XRCC2: variants seen among roughly 807,000 people sequenced by gnomAD.
XRCC2 encodes DNA repair protein XRCC2.
Under a neutral mutation model 27.3 loss-of-function variants are expected in XRCC2, and 24 were observed. The ratio of observed to expected loss-of-function variants is 0.88; its 90% CI spans 0.64 to 1.24. The LOEUF (loss-of-function observed/expected upper bound fraction) is 1.24, where lower values mean the gene tolerates loss of function less well. Among genes scored for constraint, XRCC2 ranks in the 50% most tolerant of loss-of-function variants. XRCC2 has a pLI of 0.00. For missense variants in XRCC2, 321 were observed against 325.8 expected (o/e 0.99, Z 0.11); for synonymous variants, 106 against 115.4 (o/e 0.92, Z 0.52).
At chr7:152,651,445 A>G (rs1189336175) in intron 2 of XRCC2, among the ~76,000 whole-genome samples, 1 of 120,362 alleles carries the variant, frequency 8.3e-6, no homozygotes, top group East Asian at 2.4e-4. Flanking sequence ...AAAAAAAAAA[A>G]GCCACCCATG....
Position 152,676,139 on chromosome 7 carries a change from A to G in XRCC2, c.-60T>C. 6.2e-7 allele frequency: 1 copy of G among 1,609,624 alleles called. No individual in the cohort carries two copies. ...TTCCCGCCACCAACGCCATTCACCA[A>G]CTGCGCAGACTCTACGGCCAGTCAA... On this transcript the variant is annotated 5_prime_UTR_variant, in exon 1 of 3. Coordinates refer to ENST00000359321, the MANE Select transcript of XRCC2 (RefSeq NM_005431.2).
chr7:152,669,409 A>C (rs2098037270), intron 1 of XRCC2, among the ~76,000 whole-genome samples: 1 of 152,102 alleles, frequency 6.6e-6, no homozygotes, highest in Non-Finnish European at 1.5e-5. Context: ...AATTATACAG[A>C]CATTTAATGG....
chr7:152,661,579 G>A (rs1473394241), intron 1 of XRCC2, among the ~76,000 whole-genome samples: 1 of 152,148 alleles, frequency 6.6e-6, no homozygotes, highest in African/African-American at 2.4e-5. Context: ...ACAGAAACAG[G>A]AGCAGCCACA....
chr7:152,648,822 T>C lies in XRCC2; in HGVS notation c.663A>G (p.Ile221Met). Residue 221 changes from isoleucine to methionine, a missense_variant, in exon 3 of 3, where the codon ATA becomes ATG. Physicochemically the swap from Ile to Met is conservative, Grantham distance 10. Transcript: ENST00000359321. ...CCTTACAGAGATAAGGTCTGTAGTC[T>C]ATGTCCACATCACACAGTCGTCGAG... ...HASRRLCDVD[I>M]DYRPYLCKAW... The C allele has an allele frequency of 6.2e-7, 1 of 1,614,028 alleles. No individual in the cohort carries two copies. Among genetic ancestry groups the C allele is most frequent in the African/African-American group, 1.3e-5 (1 of 75,048 alleles).
chr7:152,649,457 C>T, intron 2 of XRCC2, 94 bp from the exon 3 acceptor site: 3 of 1,413,972 alleles, frequency 2.1e-6, no homozygotes, highest in South Asian at 3.0e-5. Flanking sequence ...AAGACACTTA[C>T]TGGAATGTGA....
chr7:152,667,245 T>C (rs958016950), intron 1 of XRCC2, among the ~76,000 whole-genome samples: 2 of 151,268 alleles, frequency 1.3e-5, no homozygotes, highest in Non-Finnish European at 2.9e-5. Context: ...CTGTCTCTAC[T>C]AAAAATACTA....
rs1163807963 is a variant in XRCC2, at chr7:152,649,327, C to G, written c.158G>C (p.Gly53Ala). 3.7e-6 allele frequency: 6 copies of G among 1,608,224 alleles called. No individual in the cohort carries two copies. Among genetic ancestry groups the G allele is most frequent in the South Asian group, 1.1e-5 (1 of 89,908 alleles). ...TAGGTGATAAAGCATTTCTGTTTTT[C>G]CTGTTCCTTCTGGGCCATGAAATTC... ...ILEFHGPEGTGKTEMLYHLTA... is the reference protein window; with the variant it reads ...ILEFHGPEGTAKTEMLYHLTA... Residue 53 changes from glycine (G) to alanine (A), a missense_variant, in exon 3 of 3, where the codon GGA becomes GCA. Gly to Ala is a moderately conservative substitution (Grantham distance 60, BLOSUM62 0). Coordinates refer to ENST00000359321, the MANE Select transcript of XRCC2 (RefSeq NM_005431.2).
At chr7:152,651,069 A>G (rs1324696569) in intron 2 of XRCC2, among the ~76,000 whole-genome samples, 1 of 151,814 alleles carries the variant, frequency 6.6e-6, no homozygotes, top group Non-Finnish European at 1.5e-5. Flanking sequence ...CCTCCCGAGT[A>G]GCTGGGATTA....
intron 1 of XRCC2, among the ~76,000 whole-genome samples, chr7:152,668,024 T>C (rs1249003909): frequency 1.4e-5 from 2 of 141,686 alleles, no homozygotes; most frequent in Non-Finnish European, 3.0e-5. Flanking sequence ...CGAGACTCCA[T>C]CTCAAAAAAA....
At chr7:152,665,918 C>T (rs1327362851) in intron 1 of XRCC2, among the ~76,000 whole-genome samples, 1 of 152,144 alleles carries the variant, frequency 6.6e-6, no homozygotes, top group African/African-American at 2.4e-5. Context: ...CCTTTCCCAA[C>T]GTGACTTTCT....
intron 1 of XRCC2, among the ~76,000 whole-genome samples, chr7:152,668,680 G>A (rs141308995): frequency 6.6e-6 from 1 of 152,160 alleles, no homozygotes; most frequent in East Asian, 1.9e-4. Context: ...ACCTTTCCGA[G>A]GCAAAATTTC....
intron 1 of XRCC2, among the ~76,000 whole-genome samples, chr7:152,665,392 ACTGTGCCTAACACATAACT>A (rs1402098854): frequency 7.9e-4 from 120 of 151,270 alleles, no homozygotes; most frequent in Non-Finnish European, 1.0e-3. Context: ...CCTCTGGAAA[ACTGTGCCTAACACATAACT>A]CAGTGAACCA....
At chr7:152,667,616 A>C (rs1388823666) in intron 1 of XRCC2, among the ~76,000 whole-genome samples, 2 of 106,232 alleles carry the variant, frequency 1.9e-5, no homozygotes, top group African/African-American at 5.5e-5. Context: ...TACAACGTCA[A>C]AGCAGAGTAT....
At chr7:152,660,250 T>C (rs2098032513) in intron 2 of XRCC2, among the ~76,000 whole-genome samples, 1 of 152,090 alleles carries the variant, frequency 6.6e-6, no homozygotes, top group Admixed American at 6.6e-5. Context: ...TAAAAATCAC[T>C]TAACTGCACA....
intron 1 of XRCC2, 90 bp from the exon 2 acceptor site, chr7:152,660,872 G>C: frequency 8.5e-7 from 1 of 1,173,542 alleles, no homozygotes; most frequent in Non-Finnish European, 1.2e-6. Flanking sequence ...AAGTCTGTAA[G>C]ATTTCATAAC....
chr7:152,660,635 T>G, intron 2 of XRCC2, 66 bp downstream of exon 2: 1 of 1,377,800 alleles, frequency 7.3e-7, no homozygotes, highest in Non-Finnish European at 1.0e-6. Flanking sequence ...TGTATACATG[T>G]GAGCTTATGT....
At chr7:152,661,449 T>A (rs1204406081) in intron 1 of XRCC2, among the ~76,000 whole-genome samples, 1 of 152,132 alleles carries the variant, frequency 6.6e-6, no homozygotes, top group African/African-American at 2.4e-5. Flanking sequence ...TTTATTTCAC[T>A]GGGGAAGGGG....
rs556432084 is a variant in XRCC2 at position 152,644,784 on chromosome 7, A to T, written c.*3858T>A. The T allele has an allele frequency of 4.3e-4, 66 of 152,308 alleles. No individual in the cohort carries two copies. Among genetic ancestry groups the T allele is most frequent in the African/African-American group, 1.5e-3 (64 of 41,582 alleles). 9.4% of individuals were successfully genotyped at this position (152,308 alleles called of 1,614,324 possible). On this transcript the variant is annotated 3_prime_UTR_variant, in exon 3 of 3. Transcript: ENST00000359321. Reference sequence around the variant, plus strand: ...CAAAAGACATCATTCTATTTATAGCATTCTGTCTTTAGTAGTGGTATTTCC... The same window carrying T: ...CAAAAGACATCATTCTATTTATAGCTTTCTGTCTTTAGTAGTGGTATTTCC...
At position 152,662,565 on chromosome 7, in the gene XRCC2, ATTTTTTTTTTTT is replaced by A. The variant is rs11323323; in HGVS notation, c.40-1795_40-1784del. ...GGGAAGAAAGTCACCTTTTATTTGCATTTTTTTTTTTTTTTTTTTTTTTTTGAGACGGAGTCT... is the reference window on the plus strand; with the variant it reads ...GGGAAGAAAGTCACCTTTTATTTGCATTTTTTTTTTTTTGAGACGGAGTCT... On this transcript the variant is annotated intron_variant, in intron 1 of 2. Coordinates refer to ENST00000359321, the MANE Select transcript of XRCC2 (RefSeq NM_005431.2). Among the ~76,000 whole-genome samples, 44 of 67,766 alleles carry A rather than the reference ATTTTTTTTTTTT, an allele frequency of 6.5e-4. No individual in the cohort carries two copies. The South Asian group carries it at 0.023, about 35-fold the overall frequency. The allele number at this position is 67,766 out of a possible 152,430, so 44.5% of individuals were successfully genotyped here. A position where few individuals can be genotyped will look rare whatever the true frequency, so the allele number is the denominator to read the frequency against.
Sources: allele counts gnomAD v4.1 joint callset (sites outside exome capture counted in the v4.1 genomes callset), GRCh38; gene constraint gnomAD v4.1.1; transcripts MANE v1.5; gene names NCBI Gene and HGNC (gene_info 2026-07-23, HGNC 2026-07-21).